CEP295: variants seen among roughly 807,000 people sequenced by gnomAD.
The protein encoded by CEP295 is centrosomal protein 295.
In CEP295, 190 loss-of-function variants were observed where a neutral mutation model predicts 291.6. The observed-to-expected ratio is 0.65, with a 90% CI of 0.58 to 0.73. The LOEUF is 0.73. Among genes scored for constraint, CEP295 ranks in the 30% least tolerant of loss-of-function variants. The pLI, the probability that CEP295 is intolerant of heterozygous loss-of-function variation, is 0.00. For missense variants in CEP295, 2,863 were observed against 2,949.4 expected, an observed-to-expected ratio of 0.97 and a Z score of 0.68; for synonymous variants, 993 against 1,038.8, an observed-to-expected ratio of 0.96 and a Z score of 0.85.
Position 93,729,778 on chromosome 11 carries a change from A to AT in CEP295, c.7565dup (p.Ser2523LysfsTer12). 1.3e-6 allele frequency: 2 copies of AT among 1,539,798 alleles called. No individual in the cohort carries two copies. Among genetic ancestry groups the AT allele is most frequent in the South Asian group, 2.4e-5 (2 of 82,150 alleles). On this transcript the variant is annotated frameshift_variant, in exon 27 of 30. Coordinates refer to ENST00000325212, the MANE Select transcript of CEP295 (RefSeq NM_033395.2). LOFTEE classifies it high-confidence loss of function. The stretch of plus-strand genomic sequence containing the variant: ...CAAAACAGTTAAAGAGAAACCATCT[A>AT]TAAGTATGTTGAATTTTTAAAATCT...
intron 18 of CEP295, among the ~76,000 whole-genome samples, chr11:93,718,565 T>A (rs1953441345): frequency 6.6e-6 from 1 of 152,222 alleles, no homozygotes; most frequent in African/African-American, 2.4e-5. Flanking sequence ...CACTTCTTAC[T>A]ACCACGCAAA....
chr11:93,729,024 T>G, intron 25 of CEP295: 1 of 536,918 alleles, frequency 1.9e-6, no homozygotes, highest in East Asian at 3.0e-5. Flanking sequence ...CACTCCAATT[T>G]ATGCCTGTCT....
Position 93,699,884 on chromosome 11 carries a change from C to G in CEP295, c.4972C>G (p.Leu1658Val), listed in dbSNP as rs970742734. Residue 1658 changes from leucine (L) to valine (V), a missense_variant, in exon 15 of 30, where the codon CTA becomes GTA. Around this residue, in one of 3 missense-constraint regions of CEP295, gnomAD observed 2,295 missense variants for 2,335.7 expected, o/e 0.98. Coordinates refer to ENST00000325212, the MANE Select transcript of CEP295 (RefSeq NM_033395.2). ...PKETEHSFIP[L>V]PFAEAKPKST... Reference sequence around the variant, plus strand: ...GGAAACAGAGCATTCGTTTATTCCACTACCTTTTGCAGAAGCTAAACCTAA... The same window carrying G: ...GGAAACAGAGCATTCGTTTATTCCAGTACCTTTTGCAGAAGCTAAACCTAA... The G allele has an allele frequency of 6.4e-7, 1 of 1,551,992 alleles. No individual in the cohort carries two copies. Among genetic ancestry groups the G allele is most frequent in the Non-Finnish European group, 8.7e-7 (1 of 1,147,042 alleles).
At position 93,699,730 on chromosome 11, in the gene CEP295, A is replaced by G. The variant is rs550483069; in HGVS notation, c.4818A>G (p.Gln1606=). The change falls in exon 15 of 30, where the codon CAA becomes CAG. Residue 1606 remains glutamine, a synonymous_variant. Transcript: ENST00000325212. ...ILPQQDNMTA[Q]LDAQREVMYS... ...CTCAGCAAGATAATATGACAGCACA[A>G]TTGGATGCACAAAGGGAAGTGATGT... is the stretch of plus-strand genomic sequence containing the variant. The G allele has an allele frequency of 3.2e-6, 5 of 1,551,872 alleles. No individual in the cohort carries two copies. The highest frequency in any genetic ancestry group is 2.4e-5 in the East Asian group (1 of 40,914).
intron 18 of CEP295, among the ~76,000 whole-genome samples, chr11:93,716,332 C>T (rs1244397971): frequency 6.6e-6 from 1 of 152,168 alleles, no homozygotes; most frequent in Non-Finnish European, 1.5e-5. Context: ...TCTCTCTCCG[C>T]ACCATGTGGC....
chr11:93,718,422 A>C (rs1370767223), intron 18 of CEP295, among the ~76,000 whole-genome samples: 1 of 152,206 alleles, frequency 6.6e-6, no homozygotes, highest in Admixed American at 6.5e-5. Context: ...TCCCCTTTTT[A>C]GGAACTGTTA....
chr11:93,662,792 C>T (rs957291449), intron 1 of CEP295, among the ~76,000 whole-genome samples: 44 of 152,320 alleles, frequency 2.9e-4, no homozygotes, highest in Admixed American at 2.2e-3. Context: ...AGCCTCTACT[C>T]TGTCTTCATG....
chr11:93,685,408 C>A (rs372640938), intron 9 of CEP295, among the ~76,000 whole-genome samples: 3 of 152,164 alleles, frequency 2.0e-5, no homozygotes, highest in Admixed American at 2.0e-4. Flanking sequence ...GTGAACGTAG[C>A]CTTTTGGGAT....
chr11:93,728,168 G>A (rs1160824858), intron 24 of CEP295: 1 of 154,952 alleles, frequency 6.5e-6, no homozygotes, highest in Non-Finnish European at 1.4e-5. Context: ...TCATCTAGCA[G>A]TATGTGCAGT....
chr11:93,720,370 G>A (rs1591143003), intron 18 of CEP295, among the ~76,000 whole-genome samples: 2 of 151,630 alleles, frequency 1.3e-5, no homozygotes, highest in East Asian at 3.9e-4. Flanking sequence ...CTACTCAGGA[G>A]GCTGAGGCAG....
At chr11:93,729,310 A>G (rs1177057132) in intron 25 of CEP295, 124 bp from the exon 26 acceptor site, 2 of 692,718 alleles carry the variant, frequency 2.9e-6, no homozygotes, top group Non-Finnish European at 5.0e-6. Flanking sequence ...GGGTCTCTGT[A>G]GACCCAGCTA....
chr11:93,729,397 TTAA>T, intron 25 of CEP295, 34 bp from the exon 26 acceptor site: 1 of 1,417,006 alleles, frequency 7.1e-7, no homozygotes, highest in East Asian at 2.5e-5. Flanking sequence ...CTTAAAGCGT[TTAA>T]AAAGAGTAAA....
At chr11:93,693,602 A>G (rs1314757829) in intron 12 of CEP295, among the ~76,000 whole-genome samples, 1 of 152,158 alleles carries the variant, frequency 6.6e-6, no homozygotes, top group Non-Finnish European at 1.5e-5. Flanking sequence ...CTAAAAATAC[A>G]AAAAGTATCT....
intron 18 of CEP295, among the ~76,000 whole-genome samples, chr11:93,717,253 G>A (rs759392567): frequency 2.6e-5 from 4 of 152,052 alleles, no homozygotes; most frequent in African/African-American, 7.2e-5. Flanking sequence ...ACCCCTACCC[G>A]CTGCATCACT....
intron 2 of CEP295, among the ~76,000 whole-genome samples, chr11:93,667,152 A>G (rs1162026202): frequency 2.0e-5 from 3 of 152,234 alleles, no homozygotes; most frequent in Non-Finnish European, 2.9e-5. Context: ...CAAATTTATC[A>G]GGAAATTGCA....
chr11:93,728,806 A>G lies in CEP295; in HGVS notation c.7287A>G (p.Ala2429=). 1 of 1,539,514 alleles carries G rather than the reference A, an allele frequency of 6.5e-7. No individual in the cohort carries two copies. The highest frequency in any genetic ancestry group is 1.2e-5 in the South Asian group (1 of 81,364). Residue 2429 remains alanine (A), a synonymous_variant, in exon 25 of 30, where the codon GCA becomes GCG. Transcript: ENST00000325212. The part of the protein sequence containing the change: ...LTLEEKSENE[A]KCFFQVSEFL... The stretch of plus-strand genomic sequence containing the variant: ...TAGAAGAGAAGAGCGAGAATGAAGC[A>G]AAATGCTTCTTTCAGGTAAATTTAA...
chr11:93,694,262 G>C (rs984953983), intron 12 of CEP295, among the ~76,000 whole-genome samples: 3 of 152,170 alleles, frequency 2.0e-5, no homozygotes, highest in Non-Finnish European at 2.9e-5. Flanking sequence ...ATCAGGGACT[G>C]TAGAGTAGTC....
Position 93,706,735 on chromosome 11 carries a change from TCCCCCCCAGG to T in CEP295, c.5597-9_5597del. 1 of 1,502,904 alleles carries T rather than the reference TCCCCCCCAGG, an allele frequency of 6.7e-7. No individual in the cohort carries two copies. Among genetic ancestry groups the T allele is most frequent in the African/African-American group, 1.4e-5 (1 of 70,756 alleles). 93.1% of individuals were successfully genotyped at this position (1,502,904 alleles called of 1,614,324 possible). ...CAGAAATTGAAGTGGAAATATTTTT[TCCCCCCCAGG>T]TAAACCAGGTATTTATGAAGACAGA... On this transcript the variant is annotated splice_acceptor_variant and splice_polypyrimidine_tract_variant and coding_sequence_variant and intron_variant, in exon 18 of 30. Coordinates refer to ENST00000325212, the MANE Select transcript of CEP295 (RefSeq NM_033395.2). LOFTEE classifies it high-confidence loss of function.
chr11:93,667,802 G>A lies in CEP295; in HGVS notation c.304G>A (p.Glu102Lys), dbSNP rs1161306654. The change falls in exon 3 of 30, where the codon GAA becomes AAA. Residue 102 changes from glutamate to lysine, a missense_variant. Glu to Lys is a moderately conservative substitution (Grantham distance 56, BLOSUM62 1). Around this residue, in one of 3 missense-constraint regions of CEP295, gnomAD observed 554 missense variants for 576.0 expected, o/e 0.96. Transcript: ENST00000325212. ...SMGEGHRQAKENEPDLDALAQ... is the reference protein window; with the variant it reads ...SMGEGHRQAKKNEPDLDALAQ... ...GGGAGAGGGACATCGACAGGCCAAA[G>A]AAAATGTGAGTGAGATCTTATTTGA... 3.9e-6 allele frequency: 6 copies of A among 1,545,138 alleles called. No homozygotes were observed. Among genetic ancestry groups the A allele is most frequent in the Non-Finnish European group, 4.4e-6 (5 of 1,143,588 alleles).
Sources: gnomAD v4.1 joint callset for allele counts (sites outside exome capture counted in the v4.1 genomes callset) on GRCh38, gnomAD v4.1.1 for gene constraint, gnomAD v4.1.1 regional missense constraint, MANE v1.5 for transcripts, NCBI Gene and HGNC (gene_info 2026-07-23, HGNC 2026-07-21) for gene names.